The following TLL1 variants were observed in gnomAD, a reference collection of about 807,000 sequenced individuals.
TLL1 encodes tolloid like 1.
In TLL1, 49 loss-of-function variants were observed where a neutral mutation model predicts 128.2. The ratio of observed to expected loss-of-function variants is 0.38; its 90% CI spans 0.30 to 0.48. The LOEUF is 0.48. Ranked by LOEUF, TLL1 falls within the 20% of genes least tolerant of loss-of-function variation. The pLI, the probability that TLL1 is intolerant of heterozygous loss-of-function variation, is 0.96. For synonymous variants in TLL1, 454 were observed against 418.8 expected (o/e 1.08, Z -1.03); for missense variants, 1,123 against 1,242.0 (o/e 0.90, Z 1.44).
intron 1 of TLL1, among the ~76,000 whole-genome samples, chr4:165,979,805 A>G (rs6814257): frequency 0.08 from 12,100 of 152,012 alleles, 1,584 homozygotes; most frequent in African/African-American, 0.27. Flanking sequence ...AAATGAACAA[A>G]TAAATAAACA....
In TLL1 at chr4:166,059,631, C is replaced by A. The variant is rs80233756; in HGVS notation, c.1847-397C>A. Among the ~76,000 whole-genome samples, 31 of 152,122 alleles carry A rather than the reference C, an allele frequency of 2.0e-4. No individual in the cohort carries two copies. In the East Asian group the frequency reaches 5.0e-3, roughly 25 times the overall value. ...TATATTTTCCTTAAATCTCCTAACACCCTTCTCAATTCCGACAAAAAAAAA... is the reference window on the plus strand; with the variant it reads ...TATATTTTCCTTAAATCTCCTAACAACCTTCTCAATTCCGACAAAAAAAAA... On this transcript the variant is annotated intron_variant, in intron 14 of 20. Transcript: ENST00000061240.
rs1739325414 is a variant in TLL1 at position 166,043,409 on chromosome 4, A to G, written c.1514A>G (p.Gln505Arg). 3 of 1,614,116 alleles carry G rather than the reference A, an allele frequency of 1.9e-6. No individual in the cohort carries two copies. The highest frequency in any genetic ancestry group is 1.1e-5 in the South Asian group (1 of 91,086). The change falls in exon 12 of 21, where the codon CAG becomes CGG. Residue 505 changes from glutamine to arginine, a missense_variant. By Grantham distance (43) the Gln-to-Arg change is conservative (BLOSUM62 1). This residue lies in a region of TLL1 where 634 missense variants were observed against 672.4 expected (regional missense o/e 0.94). Coordinates refer to ENST00000061240, the MANE Select transcript of TLL1 (RefSeq NM_012464.5). Reference sequence around the variant, plus strand: ...AGCTACCACGTCGGGCTGACCTTTCAGTCCTTTGAGGTAAAGTCTTTTAGG... The same window carrying G: ...AGCTACCACGTCGGGCTGACCTTTCGGTCCTTTGAGGTAAAGTCTTTTAGG... Reference protein sequence around the residue: ...SESYHVGLTFQSFEIERHDNC... With the variant: ...SESYHVGLTFRSFEIERHDNC...
chr4:165,988,717 G>A (rs1310757016), intron 1 of TLL1, among the ~76,000 whole-genome samples: 2 of 151,826 alleles, frequency 1.3e-5, no homozygotes, highest in Non-Finnish European at 2.9e-5. Context: ...AATATGGACC[G>A]TGTTATATTT....
intron 19 of TLL1, among the ~76,000 whole-genome samples, chr4:166,096,250 T>A (rs1742014894): frequency 6.6e-6 from 1 of 150,704 alleles, no homozygotes; most frequent in South Asian, 2.1e-4. Flanking sequence ...TGTGTCACGG[T>A]TAGAAATTAA....
In TLL1 at chr4:166,100,948, G is replaced by A; in HGVS notation, c.*72G>A. The stretch of plus-strand genomic sequence containing the variant: ...AAGACATATTTTTTTTAAAACTGAA[G>A]ATATTGGCACAAATGTTTTATACAA... On this transcript the variant is annotated 3_prime_UTR_variant, in exon 21 of 21. Transcript: ENST00000061240. 1 of 1,558,560 alleles carries A rather than the reference G, an allele frequency of 6.4e-7. No homozygotes were observed. The highest frequency in any genetic ancestry group is 1.8e-5 in the Admixed American group (1 of 55,600).
At chr4:165,952,308 G>C (rs1734563426) in intron 1 of TLL1, among the ~76,000 whole-genome samples, 1 of 152,116 alleles carries the variant, frequency 6.6e-6, no homozygotes, top group Non-Finnish European at 1.5e-5. Context: ...TATGGATTCA[G>C]TATAACTTTT....
chr4:165,905,884 C>T (rs971040828), intron 1 of TLL1, among the ~76,000 whole-genome samples: 1 of 152,134 alleles, frequency 6.6e-6, no homozygotes, highest in African/African-American at 2.4e-5. Context: ...CCCAGTCCCT[C>T]ACCGTGAGAC....
intron 1 of TLL1, among the ~76,000 whole-genome samples, chr4:165,957,086 A>G (rs1734838739): frequency 6.6e-6 from 1 of 152,092 alleles, no homozygotes; most frequent in Admixed American, 6.6e-5. Flanking sequence ...ATAAGACCCA[A>G]CCAATTGCTG....
intron 16 of TLL1, among the ~76,000 whole-genome samples, chr4:166,069,011 T>A (rs1470449173): frequency 6.6e-6 from 1 of 151,760 alleles, no homozygotes; most frequent in African/African-American, 2.4e-5. Flanking sequence ...TTTTCTCCAT[T>A]TTCTTCTCAG....
chr4:166,089,244 C>T (rs1439362438), intron 18 of TLL1, among the ~76,000 whole-genome samples: 2 of 152,024 alleles, frequency 1.3e-5, no homozygotes, highest in East Asian at 1.9e-4. Flanking sequence ...ACTCTAGGTG[C>T]GGTTAAGCCA....
At chr4:166,092,689 C>T (rs995733468) in intron 19 of TLL1, among the ~76,000 whole-genome samples, 1 of 151,852 alleles carries the variant, frequency 6.6e-6, no homozygotes, top group African/African-American at 2.4e-5. Flanking sequence ...ACTGTCAAAA[C>T]TGTTTAAATA....
chr4:165,967,679 C>A (rs1735452600), intron 1 of TLL1, among the ~76,000 whole-genome samples: 1 of 152,072 alleles, frequency 6.6e-6, no homozygotes, highest in Non-Finnish European at 1.5e-5. Context: ...CTAATTAGTT[C>A]AGCTCAGAGG....
chr4:166,062,346 A>G (rs1303502335), intron 15 of TLL1, among the ~76,000 whole-genome samples: 2 of 152,178 alleles, frequency 1.3e-5, no homozygotes, highest in African/African-American at 2.4e-5. Context: ...CTTCCTATCC[A>G]TGAGCATGGA....
chr4:165,983,515 A>C (rs533022084), intron 1 of TLL1, among the ~76,000 whole-genome samples: 1 of 151,952 alleles, frequency 6.6e-6, no homozygotes, highest in South Asian at 2.1e-4. Flanking sequence ...AAATATTTTC[A>C]TATTCTGGCG....
chr4:166,096,396 T>A (rs866232049), intron 19 of TLL1, among the ~76,000 whole-genome samples: 34 of 150,376 alleles, frequency 2.3e-4, no homozygotes, highest in South Asian at 4.1e-4. Context: ...GCATTTTTTT[T>A]AAATGTAGGC....
intron 1 of TLL1, among the ~76,000 whole-genome samples, chr4:165,917,346 C>G (rs920592529): frequency 1.3e-5 from 2 of 152,018 alleles, no homozygotes; most frequent in Admixed American, 1.3e-4. Flanking sequence ...TCAAGTCTGC[C>G]TTAGGTTTGA....
intron 1 of TLL1, among the ~76,000 whole-genome samples, chr4:165,940,269 C>G (rs934418177): frequency 1.3e-5 from 2 of 151,846 alleles, no homozygotes; most frequent in African/African-American, 4.8e-5. Context: ...GCAATTAAAT[C>G]TGTTTGGTTC....
intron 1 of TLL1, among the ~76,000 whole-genome samples, chr4:165,967,750 G>A (rs1174010250): frequency 6.6e-6 from 1 of 152,176 alleles, no homozygotes; most frequent in African/African-American, 2.4e-5. Context: ...AGTTATAGGG[G>A]TGTGTAAAGG....
chr4:166,090,652 A>G (rs1221931757), intron 18 of TLL1, among the ~76,000 whole-genome samples: 2 of 152,070 alleles, frequency 1.3e-5, no homozygotes, highest in African/African-American at 2.4e-5. Flanking sequence ...CATTTATGCT[A>G]TGAAGATTTG....
Sources: allele counts gnomAD v4.1 joint callset (sites outside exome capture counted in the v4.1 genomes callset), GRCh38; gene constraint gnomAD v4.1.1; regional missense constraint gnomAD v4.1.1; transcripts MANE v1.5; gene names NCBI Gene and HGNC (gene_info 2026-07-23, HGNC 2026-07-21).